The following CIROZ variants were observed in gnomAD, a reference collection of about 807,000 sequenced individuals.
CIROZ encodes the protein ciliated left-right organizer ZP-N domains-containing protein.
chr1:10,967,021 C>T, the CIROZ span, among the ~76,000 whole-genome samples: 56 of 151,848 alleles, frequency 3.7e-4, no homozygotes, highest in Middle Eastern at 3.2e-3. Context: ...TGGTGGTGCC[C>T]GCCTGTAATT....
chr1:10,969,517 C>G, the CIROZ span, among the ~76,000 whole-genome samples: 3 of 152,228 alleles, frequency 2.0e-5, no homozygotes, highest in African/African-American at 7.2e-5. Flanking sequence ...CTCACTTCCA[C>G]TTTTGCAGAG....
At chr1:10,949,962 GT>G in the CIROZ span, 2 of 647,810 alleles carry the variant, frequency 3.1e-6, no homozygotes, top group Non-Finnish European at 5.1e-6. Flanking sequence ...GTTGGGAAAT[GT>G]CCATTGGCTG....
At chr1:10,956,601 G>A in the CIROZ span, among the ~76,000 whole-genome samples, 2 of 151,484 alleles carry the variant, frequency 1.3e-5, no homozygotes, top group African/African-American at 4.8e-5. Context: ...TCAGCCTCCT[G>A]AGTAGCTAGG....
the CIROZ span, chr1:10,964,101 A>G: frequency 1.9e-6 from 3 of 1,607,080 alleles, no homozygotes; most frequent in South Asian, 3.3e-5. Context: ...TCCCTCTGCC[A>G]CCTCCCAGAC....
At chr1:10,949,251 G>T in the CIROZ span, 2 of 258,956 alleles carry the variant, frequency 7.7e-6, no homozygotes, top group Non-Finnish European at 1.5e-5. Context: ...AAGAGCTGGA[G>T]GAAACTGTGA....
At chr1:10,975,712 G>A in the CIROZ span, among the ~76,000 whole-genome samples, 1 of 152,118 alleles carries the variant, frequency 6.6e-6, no homozygotes, top group African/African-American at 2.4e-5. Context: ...TTTGCGGGGT[G>A]GCTAAGTGCA....
At chr1:10,967,189 A>C in the CIROZ span, among the ~76,000 whole-genome samples, 7 of 150,920 alleles carry the variant, frequency 4.6e-5, no homozygotes, top group African/African-American at 1.7e-4. Flanking sequence ...TTGCTTAAAA[A>C]AAACAAAGCC....
chr1:10,950,876 G>A, the CIROZ span, among the ~76,000 whole-genome samples: 3 of 152,100 alleles, frequency 2.0e-5, no homozygotes, highest in Non-Finnish European at 2.9e-5. Context: ...CCAGGTTCTC[G>A]TGGAAAACCA....
the CIROZ span, among the ~76,000 whole-genome samples, chr1:10,954,461 AAAAAAAGAAAAG>A: frequency 1.5e-5 from 2 of 132,400 alleles, no homozygotes; most frequent in African/African-American, 6.0e-5. Context: ...CTCAAAAAAA[AAAAAAAGAAAAG>A]AAAAGAAAAG....
chr1:10,979,786 G>T, the CIROZ span, among the ~76,000 whole-genome samples: 1 of 152,190 alleles, frequency 6.6e-6, no homozygotes, highest in Non-Finnish European at 1.5e-5. Context: ...AGTGGCTCAC[G>T]CCTGTAATCC....
At chr1:10,968,023 T>G in the CIROZ span, among the ~76,000 whole-genome samples, 1 of 149,142 alleles carries the variant, frequency 6.7e-6, no homozygotes, top group African/African-American at 2.5e-5. Context: ...TTCGGCGCGG[T>G]GGGGGGGCAC....
chr1:10,977,602 A>G, the CIROZ span, among the ~76,000 whole-genome samples: 1 of 152,182 alleles, frequency 6.6e-6, no homozygotes. Flanking sequence ...GAACAGATAC[A>G]TTTCTAGATC....
chr1:10,964,347 C>T, the CIROZ span: 4 of 1,483,238 alleles, frequency 2.7e-6, no homozygotes. Flanking sequence ...ATAGGTCAGT[C>T]CCTGTTCACA....
At chr1:10,953,626 C>G in the CIROZ span, among the ~76,000 whole-genome samples, 17 of 152,306 alleles carry the variant, frequency 1.1e-4, 1 homozygote, top group Admixed American at 1.1e-3. Flanking sequence ...CTCTTCTAAG[C>G]CATTGATTCC....
chr1:10,963,201 C>G, the CIROZ span, among the ~76,000 whole-genome samples: 20 of 152,154 alleles, frequency 1.3e-4, no homozygotes, highest in Admixed American at 1.3e-3. Context: ...CCAGCCTGGC[C>G]AACATGGTGA....
chr1:10,946,998 C>T, the CIROZ span, among the ~76,000 whole-genome samples: 2 of 152,210 alleles, frequency 1.3e-5, no homozygotes, highest in African/African-American at 2.4e-5. Flanking sequence ...GTGGAATGAT[C>T]GCCGTAAGAA....
At chr1:10,971,306 C>T in the CIROZ span, among the ~76,000 whole-genome samples, 1 of 151,134 alleles carries the variant, frequency 6.6e-6, no homozygotes, top group African/African-American at 2.4e-5. Flanking sequence ...CAGCCTCTGC[C>T]CATCCTGCCC....
At chr1:10,978,888 AG>A in the CIROZ span, among the ~76,000 whole-genome samples, 14 of 152,044 alleles carry the variant, frequency 9.2e-5, no homozygotes, top group African/African-American at 3.4e-4. Flanking sequence ...CAAAAAGGAG[AG>A]GGGCAGGCAG....
chr1:10,973,812 A>G, the CIROZ span, among the ~76,000 whole-genome samples: 1 of 152,068 alleles, frequency 6.6e-6, no homozygotes, highest in East Asian at 1.9e-4. Context: ...CCCAAACTGC[A>G]GCTGTGGATC....
Sources: gnomAD v4.1 joint callset for allele counts (sites outside exome capture counted in the v4.1 genomes callset) on GRCh38, gnomAD v4.1.1 for gene constraint, MANE v1.5 for transcripts, NCBI Gene and HGNC (gene_info 2026-07-23, HGNC 2026-07-21) for gene names.